Variants in DUSP22 observed in about 807,000 individuals in gnomAD.
The protein encoded by DUSP22 is dual specificity phosphatase 22.
In DUSP22, 24 loss-of-function variants were observed where a neutral mutation model predicts 24.5. The ratio of observed to expected loss-of-function variants is 0.98; its 90% confidence interval spans 0.71 to 1.38. The LOEUF is 1.38. Ranked by LOEUF, DUSP22 falls within the 40% of genes most tolerant of loss-of-function variation. The pLI is 0.00. For synonymous variants in DUSP22, 160 were observed against 106.4 expected (o/e 1.50, Z -3.10); for missense variants, 330 against 269.2 (o/e 1.23, Z -1.58).
intron 1 of DUSP22, among the ~76,000 whole-genome samples, chr6:298,258 C>T: frequency 6.6e-6 from 1 of 152,296 alleles, no homozygotes; most frequent in East Asian, 1.9e-4. Context: ...AAGTCCATGG[C>T]CAAATGGCAT....
intron 1 of DUSP22, 133 bp downstream of exon 1, chr6:292,693 G>C (rs1311446800): frequency 2.2e-5 from 29 of 1,296,774 alleles, no homozygotes; most frequent in Non-Finnish European, 2.8e-5. Context: ...AGGGAGGGGC[G>C]GCGCGCCTGG....
At chr6:346,965 TCTGCAGTTTCATA>T (rs1759913151) in intron 5 of DUSP22, among the ~76,000 whole-genome samples, 2 of 152,310 alleles carry the variant, frequency 1.3e-5, no homozygotes, top group Admixed American at 1.3e-4. Flanking sequence ...TAGAATGGTG[TCTGCAGTTTCATA>T]CAGTTCTTGA....
intron 1 of DUSP22, among the ~76,000 whole-genome samples, chr6:298,135 C>T (rs1449032596): frequency 6.6e-6 from 1 of 152,310 alleles, no homozygotes; most frequent in Admixed American, 6.5e-5. Context: ...TCTCTCTTTT[C>T]TCCATTTAAT....
chr6:292,545 G>A lies in DUSP22; in HGVS notation c.6G>A (p.Gly2=). 1 of 1,605,544 alleles carries A rather than the reference G, an allele frequency of 6.2e-7. No homozygotes were observed. The highest frequency in any genetic ancestry group is 1.1e-5 in the South Asian group (1 of 90,502). Residue 2 remains glycine (G), a synonymous_variant, in exon 1 of 7, where the codon GGG becomes GGA. Coordinates refer to ENST00000419235, the MANE Select transcript of DUSP22 (RefSeq NM_001286555.3). M[G]NGMNKILPGL... Reference sequence around the variant, plus strand: ...AGCGTTCGCCTTCAGCCACCATGGGGAATGGGATGAACAAGGTAACGTCTT... The same window carrying A: ...AGCGTTCGCCTTCAGCCACCATGGGAAATGGGATGAACAAGGTAACGTCTT...
chr6:330,845 A>G (rs931533964), intron 3 of DUSP22, among the ~76,000 whole-genome samples: 1 of 152,304 alleles, frequency 6.6e-6, no homozygotes, highest in Admixed American at 6.5e-5. Flanking sequence ...GCCTCTTTGC[A>G]GCATCTTCCA....
Position 349,679 on chromosome 6 carries a change from C to A in DUSP22, c.*728C>A. 2 of 986,134 alleles carry A rather than the reference C, an allele frequency of 2.0e-6. No individual in the cohort carries two copies. Among genetic ancestry groups the A allele is most frequent in the South Asian group, 9.4e-5 (2 of 21,302 alleles). The allele number at this position is 986,134 out of a possible 1,614,324, so 61.1% of individuals were successfully genotyped here. The stretch of plus-strand genomic sequence containing the variant: ...AGTGGGCCAGCACTTTATACCAACT[C>A]AGCATTTAAGGGAAGTATCTTAGAT... On this transcript the variant is annotated 3_prime_UTR_variant, in exon 7 of 7. Coordinates refer to ENST00000419235, the MANE Select transcript of DUSP22 (RefSeq NM_001286555.3).
At chr6:321,608 G>C (rs1173703651) in intron 3 of DUSP22, among the ~76,000 whole-genome samples, 1 of 152,278 alleles carries the variant, frequency 6.6e-6, no homozygotes, top group African/African-American at 2.4e-5. Flanking sequence ...GAAAGAAGGG[G>C]AAAGATTCTC....
At chr6:330,655 T>C (rs557575941) in intron 3 of DUSP22, among the ~76,000 whole-genome samples, 2 of 152,422 alleles carry the variant, frequency 1.3e-5, no homozygotes, top group African/African-American at 4.8e-5. Context: ...AACAGAAAAC[T>C]GAAAAGTATT....
At chr6:306,192 G>C (rs1288546482) in intron 2 of DUSP22, among the ~76,000 whole-genome samples, 2 of 152,310 alleles carry the variant, frequency 1.3e-5, no homozygotes, top group East Asian at 3.8e-4. Context: ...GTTTTCATGG[G>C]GAAAGGGAGT....
chr6:335,272 T>G, intron 4 of DUSP22, 109 bp downstream of exon 4: 4 of 1,360,914 alleles, frequency 2.9e-6, no homozygotes, highest in Non-Finnish European at 4.2e-6. Context: ...ACGGGACCCT[T>G]GCTGACCCTG....
intron 2 of DUSP22, among the ~76,000 whole-genome samples, chr6:305,073 A>G (rs1415779584): frequency 6.6e-6 from 1 of 152,304 alleles, no homozygotes; most frequent in Non-Finnish European, 1.5e-5. Context: ...CATAGGCCTC[A>G]TTTTGCTTCC....
intron 5 of DUSP22, 68 bp from the exon 6 acceptor site, chr6:348,035 C>T (rs1360435371): frequency 1.6e-5 from 26 of 1,595,824 alleles, no homozygotes; most frequent in Non-Finnish European, 2.2e-5. Context: ...CCCCGCTCCA[C>T]ATGGATTGGG....
At chr6:327,050 G>A (rs1408734639) in intron 3 of DUSP22, among the ~76,000 whole-genome samples, 2 of 152,308 alleles carry the variant, frequency 1.3e-5, no homozygotes, top group Non-Finnish European at 2.9e-5. Context: ...TGAGGTGAGG[G>A]GCCACAGACA....
intron 3 of DUSP22, chr6:325,167 A>C: frequency 4.6e-6 from 1 of 215,966 alleles, no homozygotes; most frequent in Non-Finnish European, 9.0e-6. Flanking sequence ...TGGTGTGTGC[A>C]GTGCTGTATC....
At chr6:337,514 T>G (rs531422781) in intron 4 of DUSP22, among the ~76,000 whole-genome samples, 1 of 152,416 alleles carries the variant, frequency 6.6e-6, no homozygotes, top group East Asian at 1.9e-4. Flanking sequence ...GAGACAGAGA[T>G]ATGCCAGCTT....
At chr6:331,430 CTT>C (rs1226477929) in intron 3 of DUSP22, among the ~76,000 whole-genome samples, 2 of 152,178 alleles carry the variant, frequency 1.3e-5, no homozygotes, top group African/African-American at 4.8e-5. Context: ...ATTTTTATTG[CTT>C]TTTTTTTAAC....
At chr6:313,263 C>T (rs572230395) in intron 3 of DUSP22, among the ~76,000 whole-genome samples, 34 of 152,410 alleles carry the variant, frequency 2.2e-4, no homozygotes, top group Middle Eastern at 3.4e-3. Flanking sequence ...CAGCCCCAGG[C>T]CTGCCTCCCT....
intron 3 of DUSP22, among the ~76,000 whole-genome samples, chr6:322,764 A>G (rs1244361516): frequency 9.9e-5 from 14 of 141,858 alleles, no homozygotes; most frequent in African/African-American, 3.4e-4. Context: ...CTTAAGCATC[A>G]TGGTGGTGGT....
intron 3 of DUSP22, among the ~76,000 whole-genome samples, chr6:327,883 G>GC (rs1758957737): frequency 6.6e-6 from 1 of 152,310 alleles, no homozygotes. Flanking sequence ...AGTTTGAGGA[G>GC]CGAGGGGTGG....
Sources: gnomAD v4.1 joint callset for allele counts (sites outside exome capture counted in the v4.1 genomes callset) on GRCh38, gnomAD v4.1.1 for gene constraint, MANE v1.5 for transcripts, NCBI Gene and HGNC (gene_info 2026-07-23, HGNC 2026-07-21) for gene names.